Variants in SLC8A1 observed in about 807,000 individuals in gnomAD.
SLC8A1 encodes solute carrier family 8 member A1, also known as sodium/calcium exchanger 1.
In SLC8A1, 18 loss-of-function variants were observed where a neutral mutation model predicts 68.3. The observed-to-expected ratio is 0.26, with a 90% CI of 0.18 to 0.39. The LOEUF (loss-of-function observed/expected upper bound fraction) is 0.39. Among genes scored for constraint, SLC8A1 ranks in the 10% least tolerant of loss-of-function variants. SLC8A1 has a pLI of 1.00. For missense variants in SLC8A1, 985 were observed against 1,156.7 expected, an observed-to-expected ratio of 0.85 and a Z score of 2.15; for synonymous variants, 475 against 415.5, an observed-to-expected ratio of 1.14 and a Z score of -1.74.
intron 1 of SLC8A1, among the ~76,000 whole-genome samples, chr2:40,497,895 G>A (rs763731588): frequency 1.3e-5 from 2 of 152,014 alleles, no homozygotes; most frequent in African/African-American, 2.4e-5. Flanking sequence ...TGGCAACAAC[G>A]TGGGGAATAG....
chr2:40,483,933 A>G (rs994042576), intron 1 of SLC8A1, among the ~76,000 whole-genome samples: 1 of 152,190 alleles, frequency 6.6e-6, no homozygotes, highest in Non-Finnish European at 1.5e-5. Context: ...GAGACAGAAC[A>G]CTATCTAGTT....
intron 2 of SLC8A1, among the ~76,000 whole-genome samples, chr2:40,389,984 T>C (rs1684778017): frequency 1.3e-5 from 2 of 151,842 alleles, no homozygotes; most frequent in Non-Finnish European, 2.9e-5. Context: ...CCAACTAACA[T>C]GTTATAAACA....
chr2:40,300,770 T>C (rs931602250), intron 2 of SLC8A1, among the ~76,000 whole-genome samples: 3 of 152,140 alleles, frequency 2.0e-5, no homozygotes, highest in Non-Finnish European at 4.4e-5. Context: ...CGTTGAGAAA[T>C]TAATCGAGCT....
At chr2:40,449,923 G>C (rs1055224014) in intron 1 of SLC8A1, among the ~76,000 whole-genome samples, 3 of 152,068 alleles carry the variant, frequency 2.0e-5, no homozygotes, top group Admixed American at 6.6e-5. Context: ...CATTTTAAGG[G>C]GACAAAATCA....
Position 40,347,772 on chromosome 2 carries a change from C to T in SLC8A1, c.1808+80701G>A, listed in dbSNP as rs566458102. Among the ~76,000 whole-genome samples the T allele has an allele frequency of 7.0e-4, 107 of 152,230 alleles. 2 individuals are homozygous for T. Among genetic ancestry groups the T allele is most frequent in the African/African-American group, 2.5e-3 (105 of 41,550 alleles). On this transcript the variant is annotated intron_variant, in intron 2 of 7. Transcript: ENST00000406785. ...ACAAACTCCAAGTTTTAATGACCAA[C>T]AAAAGAGATCTTTAGTGATTAATCC... is the stretch of plus-strand genomic sequence containing the variant.
exon 8 of SLC8A1, chr2:40,105,733 G>C (rs1447100362): frequency 1.3e-5 from 2 of 149,560 alleles, no homozygotes; most frequent in African/African-American, 4.9e-5. Flanking sequence ...AAACAGGCTG[G>C]TTCACAGCTG....
upstream of SLC8A1, among the ~76,000 whole-genome samples, chr2:40,453,680 T>A (rs1369907396): frequency 6.6e-6 from 1 of 152,216 alleles, no homozygotes; most frequent in Non-Finnish European, 1.5e-5. Flanking sequence ...GATTCCTATG[T>A]GCAATGAAGG....
intron 2 of SLC8A1, among the ~76,000 whole-genome samples, chr2:40,343,084 G>A (rs184553990): frequency 7.9e-5 from 12 of 151,306 alleles, no homozygotes; most frequent in East Asian, 5.8e-4. Flanking sequence ...TTTCTTTCTC[G>A]GGTGATATTC....
chr2:40,475,871 AC>A (rs1270058735), intron 1 of SLC8A1, among the ~76,000 whole-genome samples: 2 of 152,040 alleles, frequency 1.3e-5, no homozygotes, highest in Non-Finnish European at 2.9e-5. Flanking sequence ...TATTTTCAGT[AC>A]TATTTTCCCC....
intron 2 of SLC8A1, among the ~76,000 whole-genome samples, chr2:40,229,354 T>C (rs1371162661): frequency 1.3e-5 from 2 of 152,144 alleles, no homozygotes; most frequent in African/African-American, 2.4e-5. Context: ...TAAATAAATA[T>C]ATTTGTAATT....
intron 2 of SLC8A1, among the ~76,000 whole-genome samples, chr2:40,270,319 A>G (rs1003257750): frequency 1.4e-4 from 21 of 152,202 alleles, no homozygotes; most frequent in Admixed American, 1.2e-3. Flanking sequence ...TGCTGTAACA[A>G]ATTTTCACAA....
At chr2:40,361,691 A>C (rs1460484550) in intron 2 of SLC8A1, among the ~76,000 whole-genome samples, 1 of 151,932 alleles carries the variant, frequency 6.6e-6, no homozygotes, top group Non-Finnish European at 1.5e-5. Context: ...ATCTGCAGTC[A>C]CTGGGAACAC....
At chr2:40,441,836 C>T (rs146801524) in intron 1 of SLC8A1, among the ~76,000 whole-genome samples, 8 of 151,740 alleles carry the variant, frequency 5.3e-5, no homozygotes, top group Admixed American at 2.0e-4. Flanking sequence ...CTAGGCAATA[C>T]CATTCAGGGC....
In SLC8A1 at chr2:40,111,504, G is replaced by A. The variant is rs376855566; in HGVS notation, c.*3749C>T. 45 of 152,086 alleles carry A rather than the reference G, an allele frequency of 3.0e-4. No homozygotes were observed. The South Asian group carries it at 6.9e-3, about 23-fold the overall frequency. 9.4% of individuals were successfully genotyped at this position (152,086 alleles called of 1,614,324 possible). ...ACTAAAGAAAATTTTAAAGATGATCGGATCAATAAAGTAGCATTTACTTGT... is the reference window on the plus strand; with the variant it reads ...ACTAAAGAAAATTTTAAAGATGATCAGATCAATAAAGTAGCATTTACTTGT... On this transcript the variant is annotated 3_prime_UTR_variant, in exon 8 of 8. Transcript: ENST00000406785.
chr2:40,134,474 C>T (rs766336583), intron 7 of SLC8A1, among the ~76,000 whole-genome samples: 1 of 151,878 alleles, frequency 6.6e-6, no homozygotes, highest in Non-Finnish European at 1.5e-5. Context: ...AAGAAAATAC[C>T]AAAAAAATAC....
intron 2 of SLC8A1, among the ~76,000 whole-genome samples, chr2:40,333,566 C>A (rs1336965875): frequency 1.3e-5 from 2 of 151,742 alleles, no homozygotes; most frequent in African/African-American, 2.4e-5. Flanking sequence ...TTATTCAAGA[C>A]CTAGGTATCC....
At chr2:40,360,606 A>G (rs908752643) in intron 2 of SLC8A1, among the ~76,000 whole-genome samples, 1 of 152,106 alleles carries the variant, frequency 6.6e-6, no homozygotes, top group African/African-American at 2.4e-5. Flanking sequence ...GATTTCTCTC[A>G]CTTTAGACAC....
chr2:40,177,030 G>A (rs1437586529), intron 3 of SLC8A1, among the ~76,000 whole-genome samples: 1 of 123,508 alleles, frequency 8.1e-6, no homozygotes, highest in African/African-American at 3.0e-5. Context: ...AGTTATAAAG[G>A]ACACTACTTT....
At chr2:40,279,164 G>C (rs995592906) in intron 2 of SLC8A1, among the ~76,000 whole-genome samples, 30 of 152,186 alleles carry the variant, frequency 2.0e-4, no homozygotes, top group Non-Finnish European at 2.9e-5. Context: ...TTGTGCCCAA[G>C]ACCATGGAGA....
Sources: gnomAD v4.1 joint callset for allele counts (sites outside exome capture counted in the v4.1 genomes callset) on GRCh38, gnomAD v4.1.1 for gene constraint, MANE v1.5 for transcripts, NCBI Gene and HGNC (gene_info 2026-07-23, HGNC 2026-07-21) for gene names.